The following CPA6 variants were observed in gnomAD, a reference collection of about 807,000 sequenced individuals.
The protein encoded by CPA6 is carboxypeptidase A6.
Under a neutral mutation model 63.3 loss-of-function variants are expected in CPA6, and 58 were observed. The observed-to-expected ratio is 0.92, with a 90% CI of 0.74 to 1.14. The LOEUF (loss-of-function observed/expected upper bound fraction) is 1.14. CPA6 is among the 50% of genes most tolerant of loss of function. CPA6 has a pLI of 0.00. For synonymous variants in CPA6, 185 were observed against 179.0 expected (o/e 1.03, Z -0.27); for missense variants, 565 against 526.6 (o/e 1.07, Z -0.71).
Position 67,712,068 on chromosome 8 carries a change from A to G in CPA6, c.116+33946T>C, listed in dbSNP as rs73683178. On this transcript the variant is annotated intron_variant, in intron 1 of 10. Transcript: ENST00000297770. The stretch of plus-strand genomic sequence containing the variant: ...TTGGCCTAAGTCTGCAGTGACCCAC[A>G]CTGATATGTGCGCTTGTGCCACCGA... Among the ~76,000 whole-genome samples, 995 of 152,194 alleles carry G rather than the reference A, an allele frequency of 6.5e-3. 16 individuals carry two copies. Among genetic ancestry groups the G allele is most frequent in the African/African-American group, 0.023 (943 of 41,504 alleles).
intron 2 of CPA6, among the ~76,000 whole-genome samples, chr8:67,612,013 T>C (rs950579137): frequency 6.6e-6 from 1 of 152,242 alleles, no homozygotes; most frequent in Non-Finnish European, 1.5e-5. Context: ...TGTCATTTAC[T>C]AGCTAATATT....
chr8:67,710,135 T>C (rs1287448634), intron 1 of CPA6, among the ~76,000 whole-genome samples: 1 of 151,852 alleles, frequency 6.6e-6, no homozygotes, highest in East Asian at 1.9e-4. Flanking sequence ...GATTTTCTGA[T>C]TGGAAATTTG....
chr8:67,531,905 AT>A (rs1458075343), intron 2 of CPA6, among the ~76,000 whole-genome samples: 14 of 145,230 alleles, frequency 9.6e-5, no homozygotes, highest in African/African-American at 3.7e-4. Context: ...TGACAAAACT[AT>A]CTATATTTAG....
intron 1 of CPA6, among the ~76,000 whole-genome samples, chr8:67,743,254 G>T (rs1817946082): frequency 6.6e-6 from 1 of 152,072 alleles, no homozygotes; most frequent in Non-Finnish European, 1.5e-5. Flanking sequence ...TAACAAAAAA[G>T]GCACTAGCTT....
chr8:67,746,139 AAG>A lies in CPA6; in HGVS notation c.-12_-11del. 1.2e-6 allele frequency: 2 copies of A among 1,601,206 alleles called. No homozygotes were observed. Among genetic ancestry groups the A allele is most frequent in the Non-Finnish European group, 1.7e-6 (2 of 1,171,560 alleles). On this transcript the variant is annotated 5_prime_UTR_variant, in exon 1 of 11. Transcript: ENST00000297770. Reference sequence around the variant, plus strand: ...TCCCGAGACACTTCATAGTGTTAAGAAGAGAGGAGTTGAAAGTTACTTAAGCA... The same window carrying A: ...TCCCGAGACACTTCATAGTGTTAAGAAGAGGAGTTGAAAGTTACTTAAGCA...
intron 6 of CPA6, among the ~76,000 whole-genome samples, chr8:67,487,452 T>C (rs956315519): frequency 3.9e-5 from 6 of 152,202 alleles, no homozygotes; most frequent in African/African-American, 9.6e-5. Context: ...CAGTATATCA[T>C]TGATGGACAT....
intron 1 of CPA6, among the ~76,000 whole-genome samples, chr8:67,704,560 A>G (rs977867618): frequency 6.6e-6 from 1 of 152,200 alleles, no homozygotes; most frequent in African/African-American, 2.4e-5. Context: ...ACAGATTACC[A>G]TTAGAACAGA....
chr8:67,466,854 T>G (rs1224335174), intron 8 of CPA6, among the ~76,000 whole-genome samples: 1 of 152,318 alleles, frequency 6.6e-6, no homozygotes, highest in African/African-American at 2.4e-5. Flanking sequence ...TCACTCCCTA[T>G]GTTTATAGTA....
At chr8:67,619,928 T>C (rs1026766370) in intron 2 of CPA6, among the ~76,000 whole-genome samples, 2 of 152,218 alleles carry the variant, frequency 1.3e-5, no homozygotes, top group Non-Finnish European at 2.9e-5. Flanking sequence ...AAACCATTTA[T>C]CTGCTGCAAC....
intron 2 of CPA6, among the ~76,000 whole-genome samples, chr8:67,613,664 C>T (rs964177799): frequency 1.3e-5 from 2 of 152,318 alleles, no homozygotes; most frequent in African/African-American, 2.4e-5. Flanking sequence ...GTGATATGGA[C>T]AGGAGACCGG....
chr8:67,430,782 C>T (rs1239671185), intron 9 of CPA6, among the ~76,000 whole-genome samples: 1 of 152,180 alleles, frequency 6.6e-6, no homozygotes, highest in African/African-American at 2.4e-5. Flanking sequence ...ATGCCAGTAG[C>T]ATCCCCCCAC....
chr8:67,636,646 T>G (rs1815475449), intron 1 of CPA6, among the ~76,000 whole-genome samples: 2 of 151,476 alleles, frequency 1.3e-5, no homozygotes, highest in Admixed American at 6.6e-5. Context: ...TAACTAAGGC[T>G]CATCTCATAT....
intron 1 of CPA6, among the ~76,000 whole-genome samples, chr8:67,636,089 G>A (rs1015202285): frequency 1.3e-5 from 2 of 151,538 alleles, no homozygotes; most frequent in African/African-American, 4.9e-5. Context: ...TGTTGGTTTG[G>A]GGGTAGATGT....
intron 1 of CPA6, among the ~76,000 whole-genome samples, chr8:67,660,401 C>T (rs963419553): frequency 1.0e-4 from 13 of 126,408 alleles, no homozygotes; most frequent in African/African-American, 3.5e-4. Flanking sequence ...TCAATCTTGG[C>T]TCACTGCAGC....
intron 2 of CPA6, among the ~76,000 whole-genome samples, chr8:67,584,658 T>C (rs947475418): frequency 4.6e-5 from 7 of 152,164 alleles, no homozygotes; most frequent in African/African-American, 1.7e-4. Context: ...GCTCCGACTA[T>C]AGTGCTGGAG....
intron 2 of CPA6, among the ~76,000 whole-genome samples, chr8:67,540,047 G>C (rs1239694596): frequency 1.3e-5 from 2 of 152,148 alleles, no homozygotes; most frequent in Non-Finnish European, 2.9e-5. Flanking sequence ...CCTTGCTGGT[G>C]AGGAGTTGTG....
chr8:67,630,106 A>G (rs1369354653), intron 1 of CPA6, among the ~76,000 whole-genome samples: 1 of 120,030 alleles, frequency 8.3e-6, no homozygotes, highest in Non-Finnish European at 1.7e-5. Flanking sequence ...ATCTGTCTCA[A>G]TTAAAATAAT....
At position 67,583,843 on chromosome 8, in the gene CPA6, G is replaced by A. The variant is rs112549895; in HGVS notation, c.192+40333C>T. On this transcript the variant is annotated intron_variant, in intron 2 of 10. Coordinates refer to ENST00000297770, the MANE Select transcript of CPA6 (RefSeq NM_020361.5). ...TACGGGTACTATAGACAGCTGTCAA[G>A]GAGGTGGCAATAGGGTAATAAAAAG... Among the ~76,000 whole-genome samples the A allele has an allele frequency of 5.0e-3, 759 of 152,234 alleles. 5 individuals carry two copies. Among genetic ancestry groups the A allele is most frequent in the Non-Finnish European group, 7.1e-3 (484 of 68,018 alleles).
In CPA6 at chr8:67,642,074, C is replaced by G. The variant is rs190887253; in HGVS notation, c.117-17823G>C. ...TGGTGGCTCACACCTGTAATCCCAG[C>G]ACTTTGGGAGGCCGAGGCGGGCAGA... On this transcript the variant is annotated intron_variant, in intron 1 of 10. Coordinates refer to ENST00000297770, the MANE Select transcript of CPA6 (RefSeq NM_020361.5). 4.1e-3 allele frequency among the ~76,000 whole-genome samples: 624 copies of G among 152,284 alleles called. 8 individuals carry two copies. Among genetic ancestry groups the G allele is most frequent in the African/African-American group, 0.014 (600 of 41,564 alleles).
Sources: gnomAD v4.1 joint callset for allele counts (sites outside exome capture counted in the v4.1 genomes callset) on GRCh38, gnomAD v4.1.1 for gene constraint, MANE v1.5 for transcripts, NCBI Gene and HGNC (gene_info 2026-07-23, HGNC 2026-07-21) for gene names.